TNFSF4: variants seen among roughly 807,000 people sequenced by gnomAD.
TNFSF4 encodes the protein tumor necrosis factor ligand superfamily member 4.
In TNFSF4, 4 loss-of-function variants were observed where a neutral mutation model predicts 7.3. The observed-to-expected ratio is 0.55, with a 90% CI of 0.27 to 1.25. TNFSF4 has a LOEUF of 1.25. TNFSF4 is among the 50% of genes most tolerant of loss of function. The probability of loss-of-function intolerance (pLI) is 0.12; values close to 1 mark genes in which losing one functional copy is unlikely to be tolerated. For synonymous variants in TNFSF4, 76 were observed against 83.7 expected (o/e 0.91, Z 0.50); for missense variants, 181 against 208.8 (o/e 0.87, Z 0.82).
chr1:173,205,450 A>G, intron 1 of TNFSF4: 1 of 1,552,580 alleles, frequency 6.4e-7, no homozygotes, highest in Non-Finnish European at 8.7e-7. Context: ...GTCCAATGTG[A>G]CCCCAACCAC....
At chr1:173,274,124 T>TACACACACAC in the TNFSF4 span, among the ~76,000 whole-genome samples, 827 of 145,486 alleles carry the variant, frequency 5.7e-3, 3 homozygotes, top group South Asian at 0.027. Flanking sequence ...TCCATGTTCA[T>TACACACACAC]ACACACACAC....
the TNFSF4 span, among the ~76,000 whole-genome samples, chr1:173,310,063 T>C: frequency 6.6e-6 from 1 of 151,908 alleles, no homozygotes; most frequent in African/African-American, 2.4e-5. Context: ...GTTATCCCTC[T>C]TTTTGTCTTT....
the TNFSF4 span, among the ~76,000 whole-genome samples, chr1:173,431,265 A>C: frequency 1.3e-5 from 2 of 152,346 alleles, no homozygotes; most frequent in Admixed American, 1.3e-4. Context: ...TTCCTTAAAT[A>C]ATAATCTTCA....
chr1:173,349,320 G>A, the TNFSF4 span, among the ~76,000 whole-genome samples: 3 of 152,144 alleles, frequency 2.0e-5, no homozygotes, highest in Admixed American at 6.5e-5. Flanking sequence ...GAGCCACCAC[G>A]CCCGGCCCCC....
the TNFSF4 span, chr1:173,362,438 T>C: frequency 3.3e-4 from 164 of 491,104 alleles, no homozygotes; most frequent in Non-Finnish European, 6.0e-4. Flanking sequence ...AGAGTCTTTT[T>C]GGTAGCTTTT....
chr1:173,242,386 A>G, the TNFSF4 span, among the ~76,000 whole-genome samples: 65 of 152,336 alleles, frequency 4.3e-4, no homozygotes, highest in African/African-American at 1.4e-3. Flanking sequence ...AGAAAATAAC[A>G]GGATATTGCT....
chr1:173,393,517 T>C, the TNFSF4 span, among the ~76,000 whole-genome samples: 1 of 152,170 alleles, frequency 6.6e-6, no homozygotes, highest in Admixed American at 6.5e-5. Flanking sequence ...TCCAAACCCC[T>C]TAACTGGGAA....
the TNFSF4 span, chr1:173,418,076 C>T: frequency 1.2e-4 from 19 of 152,214 alleles, no homozygotes; most frequent in African/African-American, 3.6e-4. Flanking sequence ...TAGAACACAC[C>T]GCCAAGGACG....
the TNFSF4 span, among the ~76,000 whole-genome samples, chr1:173,283,717 T>C: frequency 3.9e-5 from 6 of 152,032 alleles, no homozygotes; most frequent in East Asian, 1.2e-3. Context: ...CTGAAAGAAG[T>C]CTGAGATGCT....
the TNFSF4 span, among the ~76,000 whole-genome samples, chr1:173,290,362 G>A: frequency 2.0e-5 from 3 of 152,226 alleles, no homozygotes; most frequent in Middle Eastern, 3.4e-3. Flanking sequence ...CACATGTAAC[G>A]CTCATAGGCT....
the TNFSF4 span, among the ~76,000 whole-genome samples, chr1:173,220,579 T>C: frequency 6.6e-6 from 1 of 152,264 alleles, no homozygotes; most frequent in Non-Finnish European, 1.5e-5. Flanking sequence ...GTGATGGTAT[T>C]TGGAGGCTTT....
chr1:173,360,613 G>A, the TNFSF4 span, among the ~76,000 whole-genome samples: 36 of 152,284 alleles, frequency 2.4e-4, no homozygotes, highest in South Asian at 7.5e-3. Flanking sequence ...TGGATAGCTG[G>A]AGATAGCAGA....
chr1:173,411,862 G>A, the TNFSF4 span, among the ~76,000 whole-genome samples: 1 of 152,020 alleles, frequency 6.6e-6, no homozygotes, highest in African/African-American at 2.4e-5. Flanking sequence ...GCTCATGCCT[G>A]TAATCCCAGC....
the TNFSF4 span, among the ~76,000 whole-genome samples, chr1:173,395,034 A>T: frequency 9.0e-5 from 7 of 77,674 alleles, no homozygotes; most frequent in Non-Finnish European, 2.0e-4. Flanking sequence ...ATAGATAGAT[A>T]GATGATAGAT....
At chr1:173,225,458 G>A in the TNFSF4 span, among the ~76,000 whole-genome samples, 89 of 152,250 alleles carry the variant, frequency 5.8e-4, no homozygotes, top group Admixed American at 3.4e-3. Flanking sequence ...CTACACGTGT[G>A]TATGCTTGGC....
chr1:173,366,864 A>T, the TNFSF4 span, among the ~76,000 whole-genome samples: 1 of 151,960 alleles, frequency 6.6e-6, no homozygotes, highest in South Asian at 2.1e-4. Flanking sequence ...TTTGAAAAGT[A>T]TGTGATGCAG....
At chr1:173,367,731 C>G in the TNFSF4 span, among the ~76,000 whole-genome samples, 1 of 152,146 alleles carries the variant, frequency 6.6e-6, no homozygotes, top group Non-Finnish European at 1.5e-5. Context: ...GAACATAAGA[C>G]CCTGCTTAGG....
chr1:173,234,677 A>G, the TNFSF4 span, among the ~76,000 whole-genome samples: 1 of 152,238 alleles, frequency 6.6e-6, no homozygotes, highest in Non-Finnish European at 1.5e-5. Flanking sequence ...CATCATTCTC[A>G]GGAAACTATC....
At chr1:173,228,498 G>A in the TNFSF4 span, among the ~76,000 whole-genome samples, 1 of 152,254 alleles carries the variant, frequency 6.6e-6, no homozygotes, top group South Asian at 2.1e-4. Flanking sequence ...CAGAAAAGCT[G>A]AAAATTCTAA....
Sources: gnomAD v4.1 joint callset for allele counts (sites outside exome capture counted in the v4.1 genomes callset) on GRCh38, gnomAD v4.1.1 for gene constraint, MANE v1.5 for transcripts, NCBI Gene and HGNC (gene_info 2026-07-23, HGNC 2026-07-21) for gene names.